CCDC7: variants seen among roughly 807,000 people sequenced by gnomAD.
CCDC7 encodes the protein coiled-coil domain-containing protein 7.
In CCDC7, 183 loss-of-function variants were observed where a neutral mutation model predicts 196.9. The ratio of observed to expected loss-of-function variants is 0.93; its 90% CI spans 0.82 to 1.05. The LOEUF is 1.05. Ranked by LOEUF, CCDC7 falls within the 50% of genes least tolerant of loss-of-function variation. The probability of loss-of-function intolerance (pLI) is 0.00; values close to 1 mark genes in which losing one functional copy is unlikely to be tolerated. For synonymous variants in CCDC7, 525 were observed against 484.6 expected (o/e 1.08, Z -1.10); for missense variants, 1,540 against 1,482.2 (o/e 1.04, Z -0.64).
intron 28 of CCDC7, among the ~76,000 whole-genome samples, chr10:32,755,177 T>C (rs1050008805): frequency 3.9e-5 from 6 of 152,140 alleles, no homozygotes; most frequent in African/African-American, 1.4e-4. Context: ...CTCTGTAGAC[T>C]CCACCTCTGG....
chr10:32,600,024 A>G (rs1247177109), intron 18 of CCDC7, among the ~76,000 whole-genome samples: 1 of 152,100 alleles, frequency 6.6e-6, no homozygotes, highest in East Asian at 1.9e-4. Flanking sequence ...TTATGCCAGT[A>G]CCATGCTGTT....
chr10:32,767,569 G>A (rs749070962), intron 28 of CCDC7, among the ~76,000 whole-genome samples: 1 of 151,994 alleles, frequency 6.6e-6, no homozygotes, highest in Non-Finnish European at 1.5e-5. Context: ...CTCCCTGCAG[G>A]AACATCAAAT....
chr10:32,597,797 C>G (rs1237246621), intron 18 of CCDC7, among the ~76,000 whole-genome samples: 1 of 152,234 alleles, frequency 6.6e-6, no homozygotes, highest in Non-Finnish European at 1.5e-5. Flanking sequence ...ACGCCAGACC[C>G]TGTTTGCCTG....
chr10:32,697,755 T>G (rs2077967454), intron 24 of CCDC7, among the ~76,000 whole-genome samples: 1 of 152,186 alleles, frequency 6.6e-6, no homozygotes, highest in Non-Finnish European at 1.5e-5. Flanking sequence ...AGGGCATAGC[T>G]GAACAAAAGG....
At chr10:32,712,997 C>T (rs1008599521) in intron 25 of CCDC7, among the ~76,000 whole-genome samples, 1 of 152,190 alleles carries the variant, frequency 6.6e-6, no homozygotes, top group Non-Finnish European at 1.5e-5. Flanking sequence ...TTTTGGTAGA[C>T]ATTGGTACTA....
At chr10:32,739,858 G>T (rs375122791) in intron 28 of CCDC7, among the ~76,000 whole-genome samples, 2 of 149,330 alleles carry the variant, frequency 1.3e-5, no homozygotes, top group East Asian at 3.9e-4. Context: ...CATTATTTTT[G>T]CCCCCCCCCA....
At chr10:32,666,729 T>C (rs2072837585) in intron 21 of CCDC7, among the ~76,000 whole-genome samples, 1 of 152,178 alleles carries the variant, frequency 6.6e-6, no homozygotes, top group South Asian at 2.1e-4. Flanking sequence ...GGTTGCGTAT[T>C]ATTCCATGGT....
intron 29 of CCDC7, among the ~76,000 whole-genome samples, chr10:32,792,834 T>G (rs1467329251): frequency 6.6e-6 from 1 of 152,132 alleles, no homozygotes; most frequent in African/African-American, 2.4e-5. Flanking sequence ...AGGGTAATTA[T>G]AGCAGATTTA....
At chr10:32,756,134 T>G (rs1282229726) in intron 28 of CCDC7, among the ~76,000 whole-genome samples, 2 of 152,156 alleles carry the variant, frequency 1.3e-5, no homozygotes, top group Non-Finnish European at 2.9e-5. Context: ...CATCAGATTG[T>G]TGTACCTGAA....
At chr10:32,458,249 A>G (rs1254595640) in intron 3 of CCDC7, among the ~76,000 whole-genome samples, 2 of 151,970 alleles carry the variant, frequency 1.3e-5, no homozygotes, top group African/African-American at 4.8e-5. Flanking sequence ...CTGCCTATGG[A>G]TATCCAGTTT....
At position 32,656,406 on chromosome 10, in the gene CCDC7, A is replaced by G. The variant is rs537745528; in HGVS notation, c.2015-7648A>G. 2.6e-5 allele frequency among the ~76,000 whole-genome samples: 4 copies of G among 152,312 alleles called. No homozygotes were observed. In the East Asian group the frequency reaches 7.7e-4, roughly 29 times the overall value. On this transcript the variant is annotated intron_variant, in intron 20 of 41. Transcript: ENST00000639629. ...ACCTGAGACTGGGTAATTTATAAAG[A>G]AAAGAGATTTACTTGACTCACAGTT...
intron 11 of CCDC7, among the ~76,000 whole-genome samples, chr10:32,541,163 G>A (rs1284588824): frequency 6.6e-6 from 1 of 152,054 alleles, no homozygotes; most frequent in African/African-American, 2.4e-5. Flanking sequence ...AGGGTAGCAG[G>A]AGGCAAATTC....
intron 31 of CCDC7, among the ~76,000 whole-genome samples, chr10:32,815,121 GTCAA>G (rs893977432): frequency 2.6e-5 from 4 of 152,014 alleles, no homozygotes; most frequent in Non-Finnish European, 5.9e-5. Context: ...AAAAGGAAGA[GTCAA>G]TCAACATACA....
intron 41 of CCDC7, among the ~76,000 whole-genome samples, chr10:32,859,405 A>G (rs1312850697): frequency 6.6e-6 from 1 of 152,228 alleles, no homozygotes; most frequent in African/African-American, 2.4e-5. Context: ...AACCTCTGGG[A>G]CACATTTAAA....
In CCDC7 at chr10:32,617,560, G is replaced by A. The variant is rs118173293; in HGVS notation, c.1802-16694G>A. On this transcript the variant is annotated intron_variant, in intron 18 of 41. Coordinates refer to ENST00000639629, the Ensembl canonical transcript of CCDC7. The stretch of plus-strand genomic sequence containing the variant: ...TCATTGACCCAGTGATCATTCAGAA[G>A]CCTACTGTTTAAATTTCCATGTATT... Among the ~76,000 whole-genome samples the A allele has an allele frequency of 7.9e-3, 1,198 of 151,802 alleles. 6 individuals carry two copies. Among genetic ancestry groups the A allele is most frequent in the Middle Eastern group, 0.02 (6 of 294 alleles).
intron 15 of CCDC7, among the ~76,000 whole-genome samples, chr10:32,570,432 G>A (rs2057399908): frequency 6.6e-6 from 1 of 152,142 alleles, no homozygotes; most frequent in Admixed American, 6.5e-5. Flanking sequence ...TTAGTATATA[G>A]GATAACTATT....
At chr10:32,599,330 G>A (rs901697857) in intron 18 of CCDC7, among the ~76,000 whole-genome samples, 1 of 152,046 alleles carries the variant, frequency 6.6e-6, no homozygotes, top group Admixed American at 6.5e-5. Context: ...TACATAGCAT[G>A]TCATTGGGTC....
intron 23 of CCDC7, among the ~76,000 whole-genome samples, chr10:32,689,821 G>A (rs200706323): frequency 1.3e-5 from 2 of 151,738 alleles, no homozygotes; most frequent in East Asian, 1.9e-4. Flanking sequence ...TGCAACCTCC[G>A]CCTCCCGGGC....
intron 31 of CCDC7, among the ~76,000 whole-genome samples, chr10:32,821,470 C>A (rs2090177499): frequency 1.3e-5 from 2 of 152,016 alleles, no homozygotes; most frequent in Admixed American, 1.3e-4. Flanking sequence ...GGGTATATAC[C>A]CAAAGGATTA....
Sources: allele counts gnomAD v4.1 joint callset (sites outside exome capture counted in the v4.1 genomes callset), GRCh38; gene constraint gnomAD v4.1.1; transcripts MANE v1.5; gene names NCBI Gene and HGNC (gene_info 2026-07-23, HGNC 2026-07-21).